SLC26A3: variants seen among roughly 807,000 people sequenced by gnomAD.
SLC26A3 encodes chloride anion exchanger.
In SLC26A3, 64 loss-of-function variants were observed where a neutral mutation model predicts 85.6. The ratio of observed to expected loss-of-function variants is 0.75; its 90% CI spans 0.61 to 0.92. SLC26A3 has a LOEUF of 0.92. Ranked by LOEUF, SLC26A3 falls within the 40% of genes least tolerant of loss-of-function variation. The pLI is 0.00. For synonymous variants in SLC26A3, 349 were observed against 336.0 expected, an observed-to-expected ratio of 1.04 and a Z score of -0.42; for missense variants, 922 against 927.3, an observed-to-expected ratio of 0.99 and a Z score of 0.07.
In SLC26A3 at chr7:107,794,682, T is replaced by TA. The variant is rs1167965913; in HGVS notation, c.-88-86dup. ...GATGAGTGAGCTCCGAACTGAATGT[T>TA]ACCACCTTTTAAGATCAAAAAAGGC... On this transcript the variant is annotated intron_variant, in intron 1 of 20. Coordinates refer to ENST00000340010, the MANE Select transcript of SLC26A3 (RefSeq NM_000111.3). 8.8e-6 allele frequency: 6 copies of TA among 682,508 alleles called. No homozygotes were observed. In the African/African-American group the frequency reaches 1.1e-4, roughly 12 times the overall value. The allele number at this position is 682,508 out of a possible 1,614,324, so 42.3% of individuals were successfully genotyped here. A position where few individuals can be genotyped will look rare whatever the true frequency, so the allele number is the denominator to read the frequency against.
At chr7:107,787,713 G>T (rs1794322196) in intron 6 of SLC26A3, among the ~76,000 whole-genome samples, 1 of 152,240 alleles carries the variant, frequency 6.6e-6, no homozygotes, top group South Asian at 2.1e-4. Context: ...AGTTAGCATA[G>T]TGTAGGTGGC....
chr7:107,789,124 T>TC (rs1277051936), intron 6 of SLC26A3, among the ~76,000 whole-genome samples: 2 of 149,372 alleles, frequency 1.3e-5, no homozygotes, highest in Non-Finnish European at 3.0e-5. Context: ...TTTTTCTTTT[T>TC]TTTTTTTTTG....
At position 107,793,704 on chromosome 7, in the gene SLC26A3, T is replaced by C. The variant is rs766816525; in HGVS notation, c.271+38A>G. 6 of 1,489,260 alleles carry C rather than the reference T, an allele frequency of 4.0e-6. No homozygotes were observed. In the South Asian group the frequency reaches 4.9e-5, roughly 12 times the overall value. The allele number at this position is 1,489,260 out of a possible 1,614,324, so 92.3% of individuals were successfully genotyped here. ...GAGCTGTACACATTCAGAGGAAGAATTTTATTGTATATAAATTATACTTAA... is the reference window on the plus strand; with the variant it reads ...GAGCTGTACACATTCAGAGGAAGAACTTTATTGTATATAAATTATACTTAA... On this transcript the variant is annotated intron_variant, in intron 3 of 20. Coordinates refer to ENST00000340010, the MANE Select transcript of SLC26A3 (RefSeq NM_000111.3).
intron 15 of SLC26A3, 64 bp downstream of exon 15, chr7:107,776,388 A>T (rs781645655): frequency 5.4e-5 from 70 of 1,297,818 alleles, no homozygotes; most frequent in Non-Finnish European, 7.4e-5. Context: ...ACCTTACAGA[A>T]CAATGACATT....
intron 2 of SLC26A3, 68 bp from the exon 3 acceptor site, chr7:107,793,949 GA>G: frequency 6.3e-7 from 1 of 1,598,804 alleles, no homozygotes. Flanking sequence ...CTGTCGGTGG[GA>G]AATTGGTAAA....
intron 1 of SLC26A3, among the ~76,000 whole-genome samples, chr7:107,802,387 C>A (rs1794614443): frequency 6.6e-6 from 1 of 152,018 alleles, no homozygotes; most frequent in African/African-American, 2.4e-5. Flanking sequence ...TTTCCAGTGA[C>A]CATTTTCTCC....
chr7:107,776,855 G>A, intron 13 of SLC26A3, 149 bp from the exon 14 acceptor site: 2 of 724,212 alleles, frequency 2.8e-6, no homozygotes, highest in Non-Finnish European at 4.9e-6. Flanking sequence ...GACTCTGGAA[G>A]GTGAACACCT....
chr7:107,777,163 C>T (rs940559660), intron 13 of SLC26A3, among the ~76,000 whole-genome samples: 1 of 152,182 alleles, frequency 6.6e-6, no homozygotes, highest in Admixed American at 6.5e-5. Context: ...TGTATTCCAT[C>T]AGTCAGGGAT....
intron 12 of SLC26A3, 104 bp downstream of exon 12, chr7:107,779,560 TATAG>T (rs1198485963): frequency 1.1e-6 from 1 of 907,774 alleles, no homozygotes; most frequent in Non-Finnish European, 1.8e-6. Flanking sequence ...TGAACAGATA[TATAG>T]AAACAAAATT....
chr7:107,765,569 A>C lies in SLC26A3; in HGVS notation c.*286T>G. On this transcript the variant is annotated 3_prime_UTR_variant, in exon 21 of 21. Transcript: ENST00000340010. ...CACTATACTGCTAAACCTATGCATG[A>C]AGGTAGTGACTAGGATGGAAATCTG... The C allele has an allele frequency of 2.6e-6, 1 of 382,052 alleles. No homozygotes were observed. The highest frequency in any genetic ancestry group is 4.7e-6 in the Non-Finnish European group (1 of 210,566). 23.7% of individuals were successfully genotyped at this position (382,052 alleles called of 1,614,324 possible).
intron 6 of SLC26A3, 101 bp downstream of exon 6, chr7:107,789,423 G>A: frequency 1.7e-6 from 2 of 1,207,044 alleles, no homozygotes; most frequent in Non-Finnish European, 2.4e-6. Context: ...TTTACAAACT[G>A]TAGGTAAACC....
intron 18 of SLC26A3, among the ~76,000 whole-genome samples, chr7:107,770,149 CTTTCTT>C (rs1793997624): frequency 2.6e-5 from 1 of 39,060 alleles, no homozygotes; most frequent in Admixed American, 3.4e-4. Flanking sequence ...TCTTTCTTTT[CTTTCTT>C]TTTTTTTTTT....
intron 15 of SLC26A3, among the ~76,000 whole-genome samples, chr7:107,775,778 GA>G (rs1165708577): frequency 1.3e-5 from 2 of 151,826 alleles, no homozygotes; most frequent in Non-Finnish European, 2.9e-5. Flanking sequence ...TAGAGTAATC[GA>G]AAAGGGCAGT....
intron 8 of SLC26A3, among the ~76,000 whole-genome samples, chr7:107,786,604 TGGGG>T: frequency 7.3e-6 from 1 of 136,420 alleles, no homozygotes; most frequent in African/African-American, 2.7e-5. Flanking sequence ...GCATTCACTG[TGGGG>T]AGGCGAAAAA....
Position 107,791,235 on chromosome 7 carries a change from C to T in SLC26A3, c.383G>A (p.Gly128Asp), listed in dbSNP as rs1794396319. ...FFGTSRHISVGPFPILSMMVG... is the reference protein window; with the variant it reads ...FFGTSRHISVDPFPILSMMVG... ...CATCATACTCAGAATCGGAAACGGACCTAATTAACAGTGGGTGAATCGTGG... is the reference window on the plus strand; with the variant it reads ...CATCATACTCAGAATCGGAAACGGATCTAATTAACAGTGGGTGAATCGTGG... The change falls in exon 5 of 21, where the codon GGT becomes GAT. Residue 128 changes from glycine to aspartate, a missense_variant and splice_region_variant. Gly to Asp is a moderately conservative substitution (Grantham distance 94). Coordinates refer to ENST00000340010, the MANE Select transcript of SLC26A3 (RefSeq NM_000111.3). The T allele has an allele frequency of 1.9e-6, 3 of 1,614,160 alleles. No homozygotes were observed. The highest frequency in any genetic ancestry group is 2.5e-6 in the Non-Finnish European group (3 of 1,179,992).
At chr7:107,792,439 A>T (rs1794418806) in intron 3 of SLC26A3, among the ~76,000 whole-genome samples, 1 of 151,914 alleles carries the variant, frequency 6.6e-6, no homozygotes, top group Non-Finnish European at 1.5e-5. Flanking sequence ...ACCGTGACAG[A>T]TCATTAGGCA....
chr7:107,770,394 C>G (rs1465496944), intron 18 of SLC26A3, among the ~76,000 whole-genome samples: 1 of 150,066 alleles, frequency 6.7e-6, no homozygotes, highest in African/African-American at 2.4e-5. Context: ...GTAGCTGGGA[C>G]TACAGGCACA....
In SLC26A3 at chr7:107,787,944, G is replaced by A. The variant is rs188380867; in HGVS notation, c.736-435C>T. Among the ~76,000 whole-genome samples the A allele has an allele frequency of 4.6e-5, 7 of 152,244 alleles. No individual in the cohort carries two copies. In the East Asian group the frequency reaches 1.3e-3, roughly 29 times the overall value. ...ATGCTCAATTCCTGGCCCTCTTGGG[G>A]GGTTTACACCCCCTCATATTTCTTA... On this transcript the variant is annotated intron_variant, in intron 6 of 20. Coordinates refer to ENST00000340010, the MANE Select transcript of SLC26A3 (RefSeq NM_000111.3).
In SLC26A3 at chr7:107,768,014, T is replaced by C. The variant is rs1793945122; in HGVS notation, c.2063-106A>G. 22 of 1,008,102 alleles carry C rather than the reference T, an allele frequency of 2.2e-5. No individual in the cohort carries two copies. In the South Asian group the frequency reaches 2.6e-4, roughly 12 times the overall value. The allele number at this position is 1,008,102 out of a possible 1,614,324, so 62.4% of individuals were successfully genotyped here. A position where few individuals can be genotyped will look rare whatever the true frequency, so the allele number is the denominator to read the frequency against. ...TTCCATTTGCAAATGTGCGTTTCATTGACATTTGGTTAAGTGTGTGTGGGT... is the reference window on the plus strand; with the variant it reads ...TTCCATTTGCAAATGTGCGTTTCATCGACATTTGGTTAAGTGTGTGTGGGT... On this transcript the variant is annotated intron_variant, in intron 18 of 20. Transcript: ENST00000340010.
Sources: gnomAD v4.1 joint callset for allele counts (sites outside exome capture counted in the v4.1 genomes callset) on GRCh38, gnomAD v4.1.1 for gene constraint, MANE v1.5 for transcripts, NCBI Gene and HGNC (gene_info 2026-07-23, HGNC 2026-07-21) for gene names.